Variants in UNC13C observed in about 807,000 individuals in gnomAD.
UNC13C encodes the protein protein unc-13 homolog C.
A neutral mutation model predicts 245.4 loss-of-function variants in UNC13C; 174 were observed. The observed-to-expected ratio is 0.71, with a 90% CI of 0.63 to 0.80. The LOEUF is 0.80. Among genes scored for constraint, UNC13C ranks in the 30% least tolerant of loss-of-function variants. The pLI is 0.00. For synonymous variants in UNC13C, 992 were observed against 895.1 expected (o/e 1.11, Z -1.93); for missense variants, 2,829 against 2,602.9 (o/e 1.09, Z -1.89).
intron 13 of UNC13C, chr15:54,320,888 A>T: frequency 3.0e-6 from 1 of 338,668 alleles, no homozygotes; most frequent in Non-Finnish European, 5.7e-6. Context: ...ATTGAATCCT[A>T]TCATTGCCAA....
rs115384128 is a variant in UNC13C, at chr15:54,508,315, G to A, written c.5379+1121G>A. Reference sequence around the variant, plus strand: ...AGCCAAATTGAAGATTTTGAAAGGTGACCATGAGCTCCTAAGGCTAATTCC... The same window carrying A: ...AGCCAAATTGAAGATTTTGAAAGGTAACCATGAGCTCCTAAGGCTAATTCC... On this transcript the variant is annotated intron_variant, in intron 23 of 32. Coordinates refer to ENST00000260323, the MANE Select transcript of UNC13C (RefSeq NM_001080534.3). Among the ~76,000 whole-genome samples the A allele has an allele frequency of 8.6e-3, 1,303 of 152,098 alleles. 20 individuals carry two copies. Among genetic ancestry groups the A allele is most frequent in the African/African-American group, 0.029 (1,204 of 41,492 alleles).
In UNC13C at chr15:54,222,815, AT is replaced by A. The variant is rs559296619; in HGVS notation, c.3072-12211del. Among the ~76,000 whole-genome samples, 37 of 152,056 alleles carry A rather than the reference AT, an allele frequency of 2.4e-4. 1 individual carries two copies. The highest frequency in any genetic ancestry group is 8.4e-4 in the African/African-American group (35 of 41,528). On this transcript the variant is annotated intron_variant, in intron 4 of 32. Coordinates refer to ENST00000260323, the MANE Select transcript of UNC13C (RefSeq NM_001080534.3). ...TGGGTTGAGGTGATATCACATTGTA[AT>A]TTTGATTTGCATTTCTCTGATAAAC...
chr15:54,446,401 C>G (rs185353673), intron 19 of UNC13C, among the ~76,000 whole-genome samples: 39 of 152,258 alleles, frequency 2.6e-4, no homozygotes, highest in African/African-American at 9.4e-4. Flanking sequence ...GCCATTTTCA[C>G]GATATTGATT....
intron 19 of UNC13C, among the ~76,000 whole-genome samples, chr15:54,435,311 C>T (rs1400650556): frequency 1.3e-5 from 2 of 152,086 alleles, no homozygotes; most frequent in Admixed American, 1.3e-4. Flanking sequence ...TTCACAATAT[C>T]AAAGACTTGG....
chr15:54,221,156 A>G (rs2035213205), intron 4 of UNC13C, among the ~76,000 whole-genome samples: 2 of 152,086 alleles, frequency 1.3e-5, no homozygotes, highest in African/African-American at 2.4e-5. Context: ...TATGTCATAC[A>G]TAGATTTTTC....
At chr15:54,397,082 T>TA (rs1299611907) in intron 18 of UNC13C, among the ~76,000 whole-genome samples, 1 of 151,464 alleles carries the variant, frequency 6.6e-6, no homozygotes, top group Non-Finnish European at 1.5e-5. Flanking sequence ...TTTAAGCTTT[T>TA]AAAAAAATTC....
At chr15:54,487,766 C>CAAAAA (rs5812760) in intron 19 of UNC13C, among the ~76,000 whole-genome samples, 59 of 62,664 alleles carry the variant, frequency 9.4e-4, no homozygotes, top group Middle Eastern at 9.1e-3. Flanking sequence ...GATTCCATCT[C>CAAAAA]AAAAAAAAAA....
At chr15:54,522,451 C>T (rs574807075) in intron 24 of UNC13C, among the ~76,000 whole-genome samples, 1 of 152,170 alleles carries the variant, frequency 6.6e-6, no homozygotes, top group African/African-American at 2.4e-5. Context: ...GCACTCCAGC[C>T]TGGGCAACAG....
chr15:54,401,102 C>T (rs73417784), intron 18 of UNC13C, among the ~76,000 whole-genome samples: 7,218 of 152,066 alleles, frequency 0.047, 552 homozygotes, highest in African/African-American at 0.17. Flanking sequence ...CTTGGTTACC[C>T]ATATGTGTAA....
At position 54,548,181 on chromosome 15, in the gene UNC13C, TTTG is replaced by T. The variant is rs1406811789; in HGVS notation, c.5820+1348_5820+1350del. ...TCTCAGCCCACTTTTGAACTCTTGTTTTGTTGTTGTTGTTTTGTTTCTTTTGCT... is the reference window on the plus strand; with the variant it reads ...TCTCAGCCCACTTTTGAACTCTTGTTTTGTTGTTGTTTTGTTTCTTTTGCT... On this transcript the variant is annotated intron_variant, in intron 27 of 32. Transcript: ENST00000260323. Among the ~76,000 whole-genome samples, 26 of 151,352 alleles carry T rather than the reference TTTG, an allele frequency of 1.7e-4. 1 individual carries two copies. The highest frequency in any genetic ancestry group is 8.6e-4 in the Admixed American group (13 of 15,182).
the UNC13C span, chr15:53,912,562 T>A: frequency 6.6e-6 from 1 of 151,732 alleles, no homozygotes; most frequent in Non-Finnish European, 1.5e-5. Flanking sequence ...ACCTGTACAC[T>A]CTGTATGTTT....
intron 19 of UNC13C, among the ~76,000 whole-genome samples, chr15:54,424,474 T>C (rs1467634885): frequency 6.6e-6 from 1 of 151,850 alleles, no homozygotes; most frequent in Non-Finnish European, 1.5e-5. Context: ...TTCTGTTGGG[T>C]TGACTGTCAA....
At chr15:54,215,310 A>C (rs1230787634) in intron 4 of UNC13C, among the ~76,000 whole-genome samples, 1 of 151,924 alleles carries the variant, frequency 6.6e-6, no homozygotes, top group South Asian at 2.1e-4. Context: ...ACCTAGGACC[A>C]TTTGGTTATT....
In UNC13C at chr15:54,533,566, A is replaced by G. The variant is rs541793241; in HGVS notation, c.5696+500A>G. Among the ~76,000 whole-genome samples the G allele has an allele frequency of 4.6e-5, 7 of 152,354 alleles. No individual in the cohort carries two copies. The East Asian group carries it at 1.2e-3, about 25-fold the overall frequency. ...ATTGAGTGCTCACCTGTATCAAACC[A>G]TATTTTACACACTGGACAGTGAAGA... On this transcript the variant is annotated intron_variant, in intron 26 of 32. Transcript: ENST00000260323.
chr15:54,446,946 T>C (rs1042377290), intron 19 of UNC13C, among the ~76,000 whole-genome samples: 3 of 152,210 alleles, frequency 2.0e-5, no homozygotes, highest in East Asian at 1.9e-4. Context: ...ATAGCACTTA[T>C]TATTTTGAGA....
At chr15:53,862,631 T>C in the UNC13C span, among the ~76,000 whole-genome samples, 5 of 152,182 alleles carry the variant, frequency 3.3e-5, no homozygotes, top group Non-Finnish European at 7.3e-5. Flanking sequence ...GTTTAACTTA[T>C]GCATTCATCA....
chr15:54,133,245 C>T (rs1208686009), intron 2 of UNC13C, among the ~76,000 whole-genome samples: 1 of 152,008 alleles, frequency 6.6e-6, no homozygotes, highest in African/African-American at 2.4e-5. Flanking sequence ...GACATGTTTC[C>T]GTAGATTACG....
chr15:54,245,626 T>C (rs527420031), intron 7 of UNC13C, among the ~76,000 whole-genome samples: 1 of 152,300 alleles, frequency 6.6e-6, no homozygotes, highest in South Asian at 2.1e-4. Context: ...ATCCTAGCAT[T>C]GCTCTGTCTT....
chr15:54,265,626 A>G (rs560339043), intron 10 of UNC13C, 130 bp downstream of exon 10: 19 of 653,636 alleles, frequency 2.9e-5, no homozygotes, highest in Admixed American at 1.8e-4. Context: ...AAAAAAGTAA[A>G]AGTAATGTTA....
Sources: allele counts gnomAD v4.1 joint callset (sites outside exome capture counted in the v4.1 genomes callset), GRCh38; gene constraint gnomAD v4.1.1; transcripts MANE v1.5; gene names NCBI Gene and HGNC (gene_info 2026-07-23, HGNC 2026-07-21).